Variants in MAF observed in about 807,000 individuals in gnomAD.
MAF encodes transcription factor Maf.
A neutral mutation model predicts 22.0 loss-of-function variants in MAF; 10 were observed. The observed-to-expected ratio is 0.45, with a 90% CI of 0.28 to 0.77. The LOEUF is 0.77. MAF is among the 30% of genes least tolerant of loss of function. MAF has a pLI of 0.12. For missense variants in MAF, 544 were observed against 548.4 expected (o/e 0.99, Z 0.08); for synonymous variants, 337 against 255.8 (o/e 1.32, Z -3.03).
chr16:79,389,385 A>G, the MAF span, among the ~76,000 whole-genome samples: 1 of 152,078 alleles, frequency 6.6e-6, no homozygotes, highest in Non-Finnish European at 1.5e-5. Flanking sequence ...CAGCCTCCCA[A>G]GTAGCTGGGA....
chr16:79,571,007 G>A, the MAF span, among the ~76,000 whole-genome samples: 682 of 152,030 alleles, frequency 4.5e-3, 6 homozygotes, highest in African/African-American at 0.015. Flanking sequence ...GAAACCAAGC[G>A]TCTATAGAGG....
chr16:79,222,639 G>T, the MAF span, among the ~76,000 whole-genome samples: 1 of 152,016 alleles, frequency 6.6e-6, no homozygotes, highest in African/African-American at 2.4e-5. Flanking sequence ...CCCATCTCAC[G>T]TGCAGAGACA....
the MAF span, among the ~76,000 whole-genome samples, chr16:79,467,790 T>A: frequency 7.2e-5 from 11 of 152,128 alleles, no homozygotes; most frequent in African/African-American, 2.4e-4. Flanking sequence ...TGTTATTCCC[T>A]TCTTGTTATA....
At chr16:79,340,424 A>G in the MAF span, among the ~76,000 whole-genome samples, 1 of 150,972 alleles carries the variant, frequency 6.6e-6, no homozygotes, top group East Asian at 2.1e-4. Flanking sequence ...TGGCATAAGA[A>G]CATAGGTATT....
At chr16:79,440,258 G>A in the MAF span, among the ~76,000 whole-genome samples, 1 of 152,308 alleles carries the variant, frequency 6.6e-6, no homozygotes, top group Non-Finnish European at 1.5e-5. Context: ...AGCACATGCT[G>A]CCTTGAAGCA....
chr16:79,224,719 G>C, the MAF span, among the ~76,000 whole-genome samples: 6 of 152,056 alleles, frequency 3.9e-5, no homozygotes, highest in Non-Finnish European at 8.8e-5. Flanking sequence ...ACCAATAATA[G>C]ACAAACAAGA....
chr16:79,471,559 T>C, the MAF span, among the ~76,000 whole-genome samples: 1 of 152,062 alleles, frequency 6.6e-6, no homozygotes, highest in East Asian at 1.9e-4. Context: ...CACCTGTAGT[T>C]CCAGGTGCTA....
the MAF span, among the ~76,000 whole-genome samples, chr16:79,322,582 G>A: frequency 1.4e-4 from 21 of 152,084 alleles, no homozygotes; most frequent in Admixed American, 5.2e-4. Context: ...CATGGGAAGC[G>A]GAAACAGACC....
chr16:79,339,010 A>T, the MAF span, among the ~76,000 whole-genome samples: 1 of 152,108 alleles, frequency 6.6e-6, no homozygotes, highest in East Asian at 1.9e-4. Flanking sequence ...GGTGAATGTA[A>T]TGTTGTGTAT....
At chr16:79,463,767 TA>T in the MAF span, among the ~76,000 whole-genome samples, 5 of 152,038 alleles carry the variant, frequency 3.3e-5, no homozygotes, top group Non-Finnish European at 5.9e-5. Context: ...TATAACATTT[TA>T]AAAAAACATG....
At chr16:79,220,255 CA>C in the MAF span, among the ~76,000 whole-genome samples, 4 of 94,060 alleles carry the variant, frequency 4.3e-5, no homozygotes, top group Admixed American at 1.2e-4. Flanking sequence ...GACTCCATCT[CA>C]AAAAAAAAAA....
the MAF span, among the ~76,000 whole-genome samples, chr16:79,268,302 C>T: frequency 3.3e-5 from 5 of 152,132 alleles, no homozygotes; most frequent in Non-Finnish European, 7.3e-5. Context: ...GGGTTATGAT[C>T]ATGGGCTTGT....
intron 1 of MAF, chr16:79,597,354 C>A: frequency 9.6e-7 from 1 of 1,038,146 alleles, no homozygotes; most frequent in Non-Finnish European, 1.2e-6. Flanking sequence ...TGACCAAAAG[C>A]CAAAAAATAT....
chr16:79,250,603 C>T, the MAF span, among the ~76,000 whole-genome samples: 7 of 152,276 alleles, frequency 4.6e-5, no homozygotes, highest in East Asian at 1.4e-3. Context: ...TACTTCTGAG[C>T]AGGGGGAGCA....
chr16:79,389,270 A>T, the MAF span, among the ~76,000 whole-genome samples: 54 of 151,992 alleles, frequency 3.6e-4, 3 homozygotes, highest in South Asian at 6.2e-4. Context: ...TTTATTTATT[A>T]ATTATTTATG....
chr16:79,379,772 C>T, the MAF span, among the ~76,000 whole-genome samples: 3,406 of 152,142 alleles, frequency 0.022, 152 homozygotes, highest in East Asian at 0.19. Flanking sequence ...GTGTGTATGA[C>T]GGACACAGCT....
the MAF span, among the ~76,000 whole-genome samples, chr16:79,313,836 G>C: frequency 6.6e-6 from 1 of 152,088 alleles, no homozygotes. Flanking sequence ...GGGGATAGAG[G>C]TGTAAGTCTC....
chr16:79,506,520 C>T, the MAF span, among the ~76,000 whole-genome samples: 1 of 152,130 alleles, frequency 6.6e-6, no homozygotes, highest in African/African-American at 2.4e-5. Context: ...TCATGCATAG[C>T]AGAGAGAATG....
the MAF span, among the ~76,000 whole-genome samples, chr16:79,334,444 T>C: frequency 1.3e-5 from 2 of 152,108 alleles, no homozygotes; most frequent in Admixed American, 6.6e-5. Flanking sequence ...CTGACTGAGA[T>C]TGTGCCCGAG....
Sources: gnomAD v4.1 joint callset for allele counts (sites outside exome capture counted in the v4.1 genomes callset) on GRCh38, gnomAD v4.1.1 for gene constraint, MANE v1.5 for transcripts, NCBI Gene and HGNC (gene_info 2026-07-23, HGNC 2026-07-21) for gene names.